RALB: variants seen among roughly 807,000 people sequenced by gnomAD.
RALB encodes RAS like proto-oncogene B.
In RALB, 16 loss-of-function variants were observed where a neutral mutation model predicts 21.3. That is an observed-to-expected ratio of 0.75 (90% confidence interval 0.51 to 1.14). The LOEUF (loss-of-function observed/expected upper bound fraction) is 1.14, where lower values mean the gene tolerates loss of function less well. Among genes scored for constraint, RALB ranks in the 50% most tolerant of loss-of-function variants. The probability of loss-of-function intolerance (pLI) is 0.00; values close to 1 mark genes in which losing one functional copy is unlikely to be tolerated. For synonymous variants in RALB, 93 were observed against 96.1 expected (o/e 0.97, Z 0.19); for missense variants, 161 against 256.2 (o/e 0.63, Z 2.54).
chr2:120,243,825 T>C (rs1366319163), intron 1 of RALB, among the ~76,000 whole-genome samples: 1 of 152,150 alleles, frequency 6.6e-6, no homozygotes, highest in Non-Finnish European at 1.5e-5. Context: ...AGTCTAGTCT[T>C]AGGGCTGTGT....
At chr2:120,278,232 C>T (rs1689893850) in intron 1 of RALB, among the ~76,000 whole-genome samples, 2 of 152,072 alleles carry the variant, frequency 1.3e-5, no homozygotes, top group African/African-American at 4.8e-5. Flanking sequence ...GATTGAGGTC[C>T]CAAGCTGTTC....
At chr2:120,253,079 G>A (rs111622118) in intron 1 of RALB, 99 bp downstream of exon 1, 7 of 822,222 alleles carry the variant, frequency 8.5e-6, no homozygotes, top group Admixed American at 6.2e-5. Flanking sequence ...TCCGTGCCGG[G>A]CTGTGGCCGG....
upstream of RALB, chr2:120,252,817 G>A: frequency 4.1e-6 from 4 of 985,640 alleles, no homozygotes; most frequent in Non-Finnish European, 4.8e-6. Context: ...AGGAGGGGTT[G>A]CCTAGGCGAC....
chr2:120,277,378 C>T (rs374624799), intron 1 of RALB, among the ~76,000 whole-genome samples: 53 of 149,352 alleles, frequency 3.5e-4, no homozygotes, highest in African/African-American at 1.2e-3. Flanking sequence ...TGTGTGGTGG[C>T]GTGAACATGT....
intron 1 of RALB, among the ~76,000 whole-genome samples, chr2:120,278,138 C>A (rs1195187370): frequency 6.6e-6 from 1 of 151,096 alleles, no homozygotes; most frequent in Non-Finnish European, 1.5e-5. Flanking sequence ...AATGTGAGAG[C>A]GTGTGTGAGC....
chr2:120,274,129 A>G (rs1689731012), intron 1 of RALB, among the ~76,000 whole-genome samples: 1 of 152,158 alleles, frequency 6.6e-6, no homozygotes, highest in Non-Finnish European at 1.5e-5. Flanking sequence ...GATTCAGAGA[A>G]ATTGTGTGAC....
At chr2:120,252,622 A>C, upstream of RALB, 2 of 213,682 alleles carry the variant, frequency 9.4e-6, no homozygotes, top group Non-Finnish European at 1.6e-5. Context: ...CAGAGAGAGA[A>C]ACAGAGGGGG....
intron 1 of RALB, among the ~76,000 whole-genome samples, chr2:120,240,505 G>T (rs1477155668): frequency 6.6e-6 from 1 of 151,826 alleles, no homozygotes; most frequent in East Asian, 1.9e-4. Context: ...TCACCATGTT[G>T]CTCAGGCTGG....
chr2:120,264,840 T>C (rs1438823166), intron 1 of RALB, among the ~76,000 whole-genome samples: 1 of 152,174 alleles, frequency 6.6e-6, no homozygotes, highest in Non-Finnish European at 1.5e-5. Context: ...GTACCTCATA[T>C]CAGTGGAATC....
chr2:120,287,879 T>G (rs149047130), intron 3 of RALB, among the ~76,000 whole-genome samples: 123 of 152,338 alleles, frequency 8.1e-4, no homozygotes, highest in African/African-American at 2.8e-3. Flanking sequence ...GCAGGTCAAT[T>G]ATCTGAGCCC....
intron 1 of RALB, among the ~76,000 whole-genome samples, chr2:120,276,069 G>A (rs548895937): frequency 1.2e-3 from 177 of 152,298 alleles, no homozygotes; most frequent in African/African-American, 4.1e-3. Flanking sequence ...TTATGCAGGC[G>A]AGTCCTCAGC....
Position 120,266,550 on chromosome 2 carries a change from A to AT in RALB, c.-47-12060dup, listed in dbSNP as rs1407670171. Among the ~76,000 whole-genome samples the AT allele has an allele frequency of 4.0e-5, 6 of 151,848 alleles. No homozygotes were observed. In the South Asian group the frequency reaches 6.2e-4, roughly 16 times the overall value. ...GCGTGAGCCACTGTGCCCTGCCAAA[A>AT]TTTTTTTTAAATTAGGTGGGCGTGG... On this transcript the variant is annotated intron_variant, in intron 1 of 4. Coordinates refer to ENST00000272519, the MANE Select transcript of RALB (RefSeq NM_002881.3).
intron 1 of RALB, among the ~76,000 whole-genome samples, chr2:120,269,131 GTGGGTTCATCGTCT>G (rs1420444400): frequency 6.6e-6 from 1 of 152,086 alleles, no homozygotes; most frequent in Non-Finnish European, 1.5e-5. Context: ...TGTTCCTTCC[GTGGGTTCATCGTCT>G]TGCTGACTTA....
intron 3 of RALB, 68 bp downstream of exon 3, chr2:120,286,150 T>A: frequency 1.5e-6 from 2 of 1,376,714 alleles, no homozygotes; most frequent in Non-Finnish European, 1.0e-6. Context: ...GTCTTAGGCC[T>A]ATGAAGAATT....
chr2:120,276,955 T>C (rs531188518), intron 1 of RALB, among the ~76,000 whole-genome samples: 45 of 152,326 alleles, frequency 3.0e-4, no homozygotes, highest in South Asian at 1.2e-3. Flanking sequence ...TGTTTTGGTA[T>C]ATGTGAAATA....
At chr2:120,261,232 G>C (rs1689358702) in intron 1 of RALB, among the ~76,000 whole-genome samples, 1 of 152,148 alleles carries the variant, frequency 6.6e-6, no homozygotes, top group Non-Finnish European at 1.5e-5. Flanking sequence ...ATGCTGTTGG[G>C]GATGATCCTG....
intron 3 of RALB, 139 bp downstream of exon 3, chr2:120,286,221 A>G: frequency 1.5e-6 from 1 of 675,952 alleles, no homozygotes; most frequent in South Asian, 1.9e-5. Context: ...TGTCTAAAGA[A>G]TCTTCTGGGG....
intron 2 of RALB, among the ~76,000 whole-genome samples, chr2:120,280,112 G>A (rs1394214625): frequency 2.0e-5 from 3 of 152,240 alleles, no homozygotes; most frequent in Non-Finnish European, 2.9e-5. Flanking sequence ...ACACAAGTGT[G>A]TGAGAGCTAG....
chr2:120,262,372 A>G (rs1256182269), intron 1 of RALB, among the ~76,000 whole-genome samples: 1 of 152,174 alleles, frequency 6.6e-6, no homozygotes, highest in Non-Finnish European at 1.5e-5. Flanking sequence ...CCCAGGTCTC[A>G]GAGCTAGAAG....
Sources: gnomAD v4.1 joint callset for allele counts (sites outside exome capture counted in the v4.1 genomes callset) on GRCh38, gnomAD v4.1.1 for gene constraint, MANE v1.5 for transcripts, NCBI Gene and HGNC (gene_info 2026-07-23, HGNC 2026-07-21) for gene names.